Variants in MBTPS2 observed in about 807,000 individuals in gnomAD.
MBTPS2 encodes membrane-bound transcription factor site-2 protease.
In MBTPS2, 2 loss-of-function variants were observed where a neutral mutation model predicts 35.4. The ratio of observed to expected loss-of-function variants is 0.06; its 90% CI spans 0.02 to 0.18. The LOEUF is 0.18. Ranked by LOEUF, MBTPS2 falls within the 10% of genes least tolerant of loss-of-function variation. The pLI, the probability that MBTPS2 is intolerant of heterozygous loss-of-function variation, is 1.00. For missense variants in MBTPS2, 244 were observed against 386.5 expected, an observed-to-expected ratio of 0.63 and a Z score of 3.09; for synonymous variants, 125 against 140.4, an observed-to-expected ratio of 0.89 and a Z score of 0.77.
chrX:21,843,437 T>C (rs2092904983), intron 2 of MBTPS2, 119 bp downstream of exon 2: 2 of 738,671 alleles, frequency 2.7e-6, no homozygotes, highest in African/African-American at 4.2e-5. Flanking sequence ...ATATTGACAA[T>C]ATTAAAACTT....
At chrX:21,853,872 A>C (rs1431701343) in intron 5 of MBTPS2, among the ~76,000 whole-genome samples, 1 of 111,499 alleles carries the variant, frequency 9.0e-6, no homozygotes, top group Non-Finnish European at 1.9e-5. Flanking sequence ...CAGGAATGGA[A>C]AAAAAGGGTT....
At chrX:21,856,886 C>G in intron 5 of MBTPS2, 1 of 1,211,691 alleles carries the variant, frequency 8.3e-7, no homozygotes, top group Non-Finnish European at 1.1e-6. Context: ...CAACATCAAC[C>G]CAGAGCCGCA....
intron 3 of MBTPS2, among the ~76,000 whole-genome samples, chrX:21,850,026 C>CA (rs757928757): frequency 0.033 from 878 of 26,521 alleles, 17 homozygotes; most frequent in African/African-American, 0.07. Context: ...GACTCCGTCT[C>CA]AAAAAAAAAA....
At chrX:21,867,654 C>T (rs1273854501) in intron 5 of MBTPS2, among the ~76,000 whole-genome samples, 3 of 90,829 alleles carry the variant, frequency 3.3e-5, no homozygotes, top group Non-Finnish European at 6.4e-5. Flanking sequence ...TTTTTTGAGA[C>T]GGAGTCCTGC....
chrX:21,856,760 C>G, intron 5 of MBTPS2: 1 of 1,211,815 alleles, frequency 8.3e-7, no homozygotes, highest in Non-Finnish European at 1.1e-6. Context: ...GCTATTGCGA[C>G]TCAGACAACC....
chrX:21,849,108 C>A (rs1048522269), intron 3 of MBTPS2, among the ~76,000 whole-genome samples: 1 of 111,504 alleles, frequency 9.0e-6, no homozygotes, highest in Non-Finnish European at 1.9e-5. Context: ...GATGAACCGA[C>A]GTGAATATGT....
At chrX:21,857,210 G>C in intron 5 of MBTPS2, 2 of 1,211,814 alleles carry the variant, frequency 1.7e-6, no homozygotes, top group South Asian at 1.8e-5. Flanking sequence ...CTAAAGTGAA[G>C]CCCAAAAGGT....
chrX:21,868,417 A>G, intron 5 of MBTPS2, 50 bp from the exon 6 acceptor site: 1 of 789,198 alleles, frequency 1.3e-6, no homozygotes, highest in Non-Finnish European at 2.0e-6. Flanking sequence ...AGCTACTTAT[A>G]TCATTCCTGC....
At chrX:21,859,913 C>A (rs955826047) in intron 5 of MBTPS2, among the ~76,000 whole-genome samples, 1 of 110,279 alleles carries the variant, frequency 9.1e-6, no homozygotes, top group African/African-American at 3.3e-5. Flanking sequence ...GGCAACATGG[C>A]ATAACTCGGT....
intron 5 of MBTPS2, among the ~76,000 whole-genome samples, chrX:21,864,560 G>A (rs1032686121): frequency 2.7e-5 from 3 of 111,737 alleles, no homozygotes; most frequent in Non-Finnish European, 5.6e-5. Context: ...GGTGACTCAC[G>A]CCTTTAATCC....
intron 3 of MBTPS2, among the ~76,000 whole-genome samples, chrX:21,845,978 T>G (rs1023657704): frequency 5.4e-5 from 6 of 112,082 alleles, no homozygotes; most frequent in African/African-American, 1.6e-4. Context: ...TTTTTACATT[T>G]ATAGTTCCCA....
intron 7 of MBTPS2, chrX:21,871,507 A>G (rs767962643): frequency 1.8e-5 from 2 of 111,645 alleles, no homozygotes; most frequent in South Asian, 3.8e-4. Flanking sequence ...CATTTCATCC[A>G]TAACCTTTCA....
At chrX:21,879,807 C>A (rs935764010) in intron 9 of MBTPS2, among the ~76,000 whole-genome samples, 1 of 110,371 alleles carries the variant, frequency 9.1e-6, no homozygotes, top group African/African-American at 3.3e-5. Context: ...TTTGATGTAG[C>A]TTAATGTTTT....
intron 5 of MBTPS2, among the ~76,000 whole-genome samples, chrX:21,861,686 G>A (rs1244582001): frequency 1.9e-5 from 2 of 106,210 alleles, no homozygotes; most frequent in African/African-American, 6.8e-5. Flanking sequence ...GCAATAGAGC[G>A]AGACTGTCTC....
chrX:21,864,049 A>C (rs2092936578), intron 5 of MBTPS2, among the ~76,000 whole-genome samples: 1 of 112,386 alleles, frequency 8.9e-6, no homozygotes. Flanking sequence ...TGTGTTCCTC[A>C]AAGTTTAGGG....
chrX:21,862,913 T>TATAAAC (rs1157374644), intron 5 of MBTPS2, among the ~76,000 whole-genome samples: 1 of 59,893 alleles, frequency 1.7e-5, no homozygotes, highest in Non-Finnish European at 3.3e-5. Flanking sequence ...TATATAAATA[T>TATAAAC]ATAAACATAT....
chrX:21,844,844 T>G (rs1224204357), intron 2 of MBTPS2, among the ~76,000 whole-genome samples: 3 of 112,504 alleles, frequency 2.7e-5, no homozygotes, highest in Non-Finnish European at 5.6e-5. Context: ...TGGATGTCTA[T>G]AACGTCAAAA....
rs979595863 is a variant in MBTPS2, at chrX:21,884,906, C to A, written c.*2251C>A. On this transcript the variant is annotated 3_prime_UTR_variant, in exon 11 of 11. Transcript: ENST00000379484. The stretch of plus-strand genomic sequence containing the variant: ...ACTTGGAGGGTCTTTGTGTCCCTGG[C>A]ATATTATCATCTTCATGGAAAGAAT... The A allele has an allele frequency of 5.3e-6, 4 of 749,636 alleles. No homozygotes were observed. The South Asian group carries it at 2.7e-4, about 51-fold the overall frequency. The allele number at this position is 749,636 out of a possible 1,213,427, so 61.8% of individuals were successfully genotyped here. A position where few individuals can be genotyped will look rare whatever the true frequency, so the allele number is the denominator to read the frequency against.
chrX:21,841,415 C>T (rs755186950), intron 1 of MBTPS2, among the ~76,000 whole-genome samples: 5 of 111,362 alleles, frequency 4.5e-5, no homozygotes, highest in Non-Finnish European at 9.4e-5. Context: ...GAGCAAGACC[C>T]TGTCTCAAAA....
Sources: allele counts gnomAD v4.1 joint callset (sites outside exome capture counted in the v4.1 genomes callset), GRCh38; gene constraint gnomAD v4.1.1; transcripts MANE v1.5; gene names NCBI Gene and HGNC (gene_info 2026-07-23, HGNC 2026-07-21).